The following CAMTA1 variants were observed in gnomAD, a reference collection of about 807,000 sequenced individuals.
The protein encoded by CAMTA1 is calmodulin binding transcription activator 1.
CAMTA1 carries 27 observed loss-of-function variants against 170.9 expected under a neutral mutation model. That is an observed-to-expected ratio of 0.16 (90% CI 0.12 to 0.22). CAMTA1 has a LOEUF of 0.22. Among genes scored for constraint, CAMTA1 ranks in the 10% least tolerant of loss-of-function variants. The probability of loss-of-function intolerance (pLI) is 1.00; values close to 1 mark genes in which losing one functional copy is unlikely to be tolerated. For missense variants in CAMTA1, 1,619 were observed against 2,217.2 expected (o/e 0.73, Z 5.42); for synonymous variants, 833 against 891.5 (o/e 0.93, Z 1.17).
At chr1:6,977,917 A>G (rs777710678) in intron 3 of CAMTA1, among the ~76,000 whole-genome samples, 3 of 152,210 alleles carry the variant, frequency 2.0e-5, no homozygotes, top group Non-Finnish European at 4.4e-5. Context: ...GCATGAATGG[A>G]ACTGGAGGTC....
intron 6 of CAMTA1, among the ~76,000 whole-genome samples, chr1:7,498,351 T>C (rs891721055): frequency 7.0e-6 from 1 of 143,326 alleles, no homozygotes; most frequent in African/African-American, 2.7e-5. Flanking sequence ...TGAGTGTGTG[T>C]AGAGTGAGTG....
intron 4 of CAMTA1, among the ~76,000 whole-genome samples, chr1:7,208,443 AT>A (rs1658158455): frequency 1.3e-5 from 2 of 152,098 alleles, no homozygotes; most frequent in Admixed American, 1.3e-4. Flanking sequence ...ATGCTGTGGA[AT>A]TTTTGCCAGA....
rs116618995 is a variant in CAMTA1, at chr1:6,896,388, T to C, written c.234+71178T>C. 3.8e-3 allele frequency among the ~76,000 whole-genome samples: 572 copies of C among 152,312 alleles called. 5 individuals are homozygous for C. Among genetic ancestry groups the C allele is most frequent in the African/African-American group, 0.013 (529 of 41,564 alleles). ...GGCACTGCTTGCCTTTGCTGAAGAC[T>C]GAATTTGAATTCCCTCAGATCCAGC... On this transcript the variant is annotated intron_variant, in intron 3 of 22. Coordinates refer to ENST00000303635, the MANE Select transcript of CAMTA1 (RefSeq NM_015215.4).
rs1349549816 is a variant in CAMTA1 at position 7,534,927 on chromosome 1, GA to G, written c.510+67029del. On this transcript the variant is annotated intron_variant, in intron 6 of 22. Coordinates refer to ENST00000303635, the MANE Select transcript of CAMTA1 (RefSeq NM_015215.4). The surrounding 1 kb of genome is among the most constrained non-coding windows in gnomAD (Gnocchi z 5.6). ...ATTTTGAAAAAGATGCAGAAAGAAGGAAAGAAAGTGGAGGGCAGAGGGAAGG... is the reference window on the plus strand; with the variant it reads ...ATTTTGAAAAAGATGCAGAAAGAAGGAAGAAAGTGGAGGGCAGAGGGAAGG... Among the ~76,000 whole-genome samples the G allele has an allele frequency of 6.6e-6, 1 of 151,892 alleles. No homozygotes were observed. The highest frequency in any genetic ancestry group is 1.5e-5 in the Non-Finnish European group (1 of 67,964).
intron 3 of CAMTA1, among the ~76,000 whole-genome samples, chr1:7,039,058 A>G (rs1704045951): frequency 6.6e-6 from 1 of 152,198 alleles, no homozygotes; most frequent in Non-Finnish European, 1.5e-5. Flanking sequence ...AAAATAAAAT[A>G]AAATAAATAA....
At chr1:7,560,256 C>A (rs373606454) in intron 6 of CAMTA1, among the ~76,000 whole-genome samples, 1 of 152,362 alleles carries the variant, frequency 6.6e-6, no homozygotes, top group African/African-American at 2.4e-5. Context: ...CCTGCACACT[C>A]TCCTTTCTGC....
rs1302407273 is a variant in CAMTA1, at chr1:7,017,370, G to A, written c.235-73934G>A. Among the ~76,000 whole-genome samples, 8 of 152,336 alleles carry A rather than the reference G, an allele frequency of 5.3e-5. No homozygotes were observed. The East Asian group carries it at 1.5e-3, about 29-fold the overall frequency. ...GTCTCTTCAAGCTCTGAAACAATAT[G>A]ATTTTGTGAACTCACATACTCATAC... On this transcript the variant is annotated intron_variant, in intron 3 of 22. Transcript: ENST00000303635.
chr1:7,739,498 T>G (rs2096795041), intron 16 of CAMTA1, among the ~76,000 whole-genome samples: 1 of 152,224 alleles, frequency 6.6e-6, no homozygotes, highest in African/African-American at 2.4e-5. Context: ...ATTCTCACGC[T>G]GCTGATAAGG....
intron 3 of CAMTA1, among the ~76,000 whole-genome samples, chr1:7,024,931 T>A (rs897173578): frequency 3.9e-5 from 6 of 152,178 alleles, no homozygotes; most frequent in Non-Finnish European, 7.3e-5. Context: ...GTGGTATGTA[T>A]GGTGGCTGTA....
At position 7,234,060 on chromosome 1, in the gene CAMTA1, G is replaced by A. The variant is rs760975370; in HGVS notation, c.303-15431G>A. ...TTGGAGTCCTCGCTTTTCCTTCATC[G>A]CTGTTAATACACGTGTACCCTTGGT... On this transcript the variant is annotated intron_variant, in intron 4 of 22. Coordinates refer to ENST00000303635, the MANE Select transcript of CAMTA1 (RefSeq NM_015215.4). The surrounding 1 kb of genome is among the most constrained non-coding windows in gnomAD (Gnocchi z 5.0). 3.3e-5 allele frequency among the ~76,000 whole-genome samples: 5 copies of A among 152,014 alleles called. No individual in the cohort carries two copies. Among genetic ancestry groups the A allele is most frequent in the Admixed American group, 2.6e-4 (4 of 15,262 alleles).
rs577756166 is a variant in CAMTA1, at chr1:7,673,591, G to A, written c.2779+2554G>A. 6.6e-6 allele frequency among the ~76,000 whole-genome samples: 1 copy of A among 152,290 alleles called. No homozygotes were observed. Among genetic ancestry groups the A allele is most frequent in the African/African-American group, 2.4e-5 (1 of 41,548 alleles). On this transcript the variant is annotated intron_variant, in intron 10 of 22. Transcript: ENST00000303635. The surrounding 1 kb of genome is among the most constrained non-coding windows in gnomAD (Gnocchi z 4.6). ...GCCACTCACCCTCCTAGCTGTTCAGGCTCATTATATGAGCCATAATGTGTC... is the reference window on the plus strand; with the variant it reads ...GCCACTCACCCTCCTAGCTGTTCAGACTCATTATATGAGCCATAATGTGTC...
intron 11 of CAMTA1, among the ~76,000 whole-genome samples, chr1:7,703,459 G>T (rs953922720): frequency 6.6e-6 from 1 of 152,140 alleles, no homozygotes; most frequent in African/African-American, 2.4e-5. Flanking sequence ...AGCCATGGAC[G>T]ATCTACCGGC....
At chr1:6,849,979 G>C (rs1431924830) in intron 3 of CAMTA1, among the ~76,000 whole-genome samples, 6 of 149,286 alleles carry the variant, frequency 4.0e-5, no homozygotes, top group African/African-American at 1.5e-4. Flanking sequence ...AGGTTGCAAT[G>C]AGCCGAGATC....
intron 4 of CAMTA1, among the ~76,000 whole-genome samples, chr1:7,226,342 A>G (rs1465157211): frequency 1.3e-5 from 2 of 152,140 alleles, no homozygotes; most frequent in East Asian, 1.9e-4. Context: ...GTTCCAGGCA[A>G]TGGCTGAGTT....
intron 5 of CAMTA1, among the ~76,000 whole-genome samples, chr1:7,315,422 C>G (rs188653931): frequency 0.012 from 1,881 of 152,324 alleles, 19 homozygotes; most frequent in Admixed American, 0.015. Flanking sequence ...TTTTCGCCTT[C>G]TCCATTTCTT....
At chr1:7,621,712 C>T (rs1352016654) in intron 6 of CAMTA1, among the ~76,000 whole-genome samples, 1 of 152,190 alleles carries the variant, frequency 6.6e-6, no homozygotes, top group Non-Finnish European at 1.5e-5. Flanking sequence ...GTGCAGTGCT[C>T]GCCCTTCTGG....
intron 3 of CAMTA1, among the ~76,000 whole-genome samples, chr1:6,936,881 G>A (rs1230995982): frequency 1.3e-5 from 2 of 152,110 alleles, no homozygotes; most frequent in African/African-American, 2.4e-5. Flanking sequence ...CCAGCCACTC[G>A]GGAGGCTGAA....
chr1:6,874,236 G>C (rs1669193936), intron 3 of CAMTA1: 1 of 152,246 alleles, frequency 6.6e-6, no homozygotes, highest in Non-Finnish European at 1.5e-5. Flanking sequence ...GGTGTGCTGA[G>C]AGGCAGTGGT....
chr1:7,103,739 TAC>T (rs1401910271), intron 4 of CAMTA1, among the ~76,000 whole-genome samples: 10 of 146,686 alleles, frequency 6.8e-5, no homozygotes, highest in African/African-American at 2.3e-4. Context: ...ACCACACATG[TAC>T]ACACAATACA....
Sources: allele counts gnomAD v4.1 joint callset (sites outside exome capture counted in the v4.1 genomes callset), GRCh38; gene constraint gnomAD v4.1.1; non-coding constraint Gnocchi (gnomAD v3.1); transcripts MANE v1.5; gene names NCBI Gene and HGNC (gene_info 2026-07-23, HGNC 2026-07-21).